Variants in ZNF677 observed in about 807,000 individuals in gnomAD.
ZNF677 encodes the protein hypothetical protein MGC48625.
ZNF677 carries 5 observed loss-of-function variants against 8.1 expected under a neutral mutation model. The ratio of observed to expected loss-of-function variants is 0.62; its 90% confidence interval spans 0.32 to 1.29. The LOEUF is 1.29. ZNF677 is among the 50% of genes most tolerant of loss of function. The probability of loss-of-function intolerance (pLI) is 0.05; values close to 1 mark genes in which losing one functional copy is unlikely to be tolerated. For missense variants in ZNF677, 685 were observed against 685.9 expected, an observed-to-expected ratio of 1.00 and a Z score of 0.01; for synonymous variants, 221 against 225.6, an observed-to-expected ratio of 0.98 and a Z score of 0.18.
At chr19:53,251,457 C>T in intron 3 of ZNF677, 79 bp downstream of exon 3, 1 of 1,174,398 alleles carries the variant, frequency 8.5e-7, no homozygotes, top group South Asian at 1.2e-5. Context: ...ACTTCAGAGT[C>T]AGATAAAATT....
At chr19:53,247,824 T>A (rs555680738) in intron 3 of ZNF677, among the ~76,000 whole-genome samples, 11 of 152,366 alleles carry the variant, frequency 7.2e-5, no homozygotes, top group African/African-American at 2.6e-4. Context: ...AATACCTTTT[T>A]ACATCCTTTT....
At chr19:53,253,711 G>T (rs1314815261) in intron 1 of ZNF677, among the ~76,000 whole-genome samples, 1 of 145,570 alleles carries the variant, frequency 6.9e-6, no homozygotes, top group Non-Finnish European at 1.5e-5. Flanking sequence ...ATAAATAAAA[G>T]AAAGCAAAAG....
intron 3 of ZNF677, among the ~76,000 whole-genome samples, chr19:53,251,267 A>C (rs1369602821): frequency 6.6e-6 from 1 of 152,166 alleles, no homozygotes; most frequent in Admixed American, 6.5e-5. Context: ...AACCTCACTG[A>C]CACCATGGAG....
Position 53,238,359 on chromosome 19 carries a change from G to A in ZNF677, c.368C>T (p.Thr123Ile), listed in dbSNP as rs2090998977. 1.9e-6 allele frequency: 3 copies of A among 1,613,530 alleles called. No homozygotes were observed. The highest frequency in any genetic ancestry group is 2.5e-6 in the Non-Finnish European group (3 of 1,179,794). The change falls in exon 5 of 5, where the codon ACC becomes ATC. Residue 123 changes from threonine (T) to isoleucine (I), a missense_variant. Transcript: ENST00000598513. ...DVKNYKGMPLTCNKNLTHRKD... is the reference protein window; with the variant it reads ...DVKNYKGMPLICNKNLTHRKD... The stretch of plus-strand genomic sequence containing the variant: ...TCTGTGAGTGAGATTTTTGTTACAG[G>A]TCAAAGGCATTCCTTTGTAATTTTT...
intron 3 of ZNF677, among the ~76,000 whole-genome samples, chr19:53,249,939 C>G (rs2091207469): frequency 6.6e-6 from 1 of 152,122 alleles, no homozygotes; most frequent in Non-Finnish European, 1.5e-5. Flanking sequence ...ACGGCACAAT[C>G]TTAGTTCACT....
Position 53,241,728 on chromosome 19 carries a change from C to T in ZNF677, c.169+2016G>A, listed in dbSNP as rs2091052414. Reference sequence around the variant, plus strand: ...TCAGCATACTGGGACATGCAGGCTACTCTACTCAGTGGCTTCAAGAGGCAC... The same window carrying T: ...TCAGCATACTGGGACATGCAGGCTATTCTACTCAGTGGCTTCAAGAGGCAC... On this transcript the variant is annotated intron_variant, in intron 4 of 4. Coordinates refer to ENST00000598513, the MANE Select transcript of ZNF677 (RefSeq NM_182609.4). 11 of 396,446 alleles carry T rather than the reference C, an allele frequency of 2.8e-5. No individual in the cohort carries two copies. In the Admixed American group the frequency reaches 4.9e-4, roughly 17 times the overall value. The allele number at this position is 396,446 out of a possible 1,614,324, so 24.6% of individuals were successfully genotyped here.
At chr19:53,239,388 T>C (rs754096445) in intron 4 of ZNF677, 11 of 152,140 alleles carry the variant, frequency 7.2e-5, no homozygotes, top group Non-Finnish European at 1.6e-4. Context: ...TTTTGAAATA[T>C]CAGCTTCAGG....
intron 3 of ZNF677, 133 bp from the exon 4 acceptor site, chr19:53,244,030 A>ATT (rs949218844): frequency 1.2e-6 from 1 of 808,492 alleles, no homozygotes; most frequent in Non-Finnish European, 1.9e-6. Flanking sequence ...CCCTAATTTT[A>ATT]TTTTTTTTAA....
At chr19:53,248,222 C>T (rs116943561) in intron 3 of ZNF677, among the ~76,000 whole-genome samples, 3,995 of 152,266 alleles carry the variant, frequency 0.026, 71 homozygotes, top group Middle Eastern at 0.044. Flanking sequence ...TGCATAACAA[C>T]TTCTGTTTCT....
chr19:53,251,711 C>A, intron 2 of ZNF677, 106 bp from the exon 3 acceptor site: 1 of 710,202 alleles, frequency 1.4e-6, no homozygotes, highest in Non-Finnish European at 2.3e-6. Context: ...TGGTCCTTAG[C>A]TTCCAATTGC....
Position 53,250,203 on chromosome 19 carries a change from T to A in ZNF677, c.15+1333A>T, listed in dbSNP as rs534520018. Among the ~76,000 whole-genome samples, 3 of 152,186 alleles carry A rather than the reference T, an allele frequency of 2.0e-5. No individual in the cohort carries two copies. The East Asian group carries it at 5.8e-4, about 29-fold the overall frequency. On this transcript the variant is annotated intron_variant, in intron 3 of 4. Coordinates refer to ENST00000598513, the MANE Select transcript of ZNF677 (RefSeq NM_182609.4). Reference sequence around the variant, plus strand: ...AGCTATTATTAAAAAGTCAAAAAAATAACAGATGCTGGTGAGGTTGTGGAG... The same window carrying A: ...AGCTATTATTAAAAAGTCAAAAAAAAAACAGATGCTGGTGAGGTTGTGGAG...
At chr19:53,243,694 C>T in intron 4 of ZNF677, 50 bp downstream of exon 4, 1 of 1,612,454 alleles carries the variant, frequency 6.2e-7, no homozygotes, top group Non-Finnish European at 8.5e-7. Context: ...ACATCAGGGC[C>T]TCCCAAGAGA....
At chr19:53,238,584 C>G (rs1314482133) in intron 4 of ZNF677, 27 bp from the exon 5 acceptor site, 2 of 1,512,968 alleles carry the variant, frequency 1.3e-6, no homozygotes, top group South Asian at 1.3e-5. Flanking sequence ...AAACCACAGG[C>G]TTTCCATCAA....
chr19:53,237,232 G>T lies in ZNF677; in HGVS notation c.1495C>A (p.Arg499Ser). 6.2e-7 allele frequency: 1 copy of T among 1,612,532 alleles called. No homozygotes were observed. The highest frequency in any genetic ancestry group is 8.5e-7 in the Non-Finnish European group (1 of 1,178,962). The part of the protein sequence containing the change: ...CTECGKAFTE[R>S]SNLTQHKKIH... Reference sequence around the variant, plus strand: ...TTCTTATGCTGAGTAAGATTTGAACGTTCAGTAAAGGCTTTGCCACATTCA... The same window carrying T: ...TTCTTATGCTGAGTAAGATTTGAACTTTCAGTAAAGGCTTTGCCACATTCA... The change falls in exon 5 of 5, where the codon CGT (arginine) becomes AGT (serine). Residue 499 changes from arginine (R) to serine (S), a missense_variant. Transcript: ENST00000598513.
At chr19:53,247,387 T>TAAA (rs35180499) in intron 3 of ZNF677, among the ~76,000 whole-genome samples, 13 of 148,086 alleles carry the variant, frequency 8.8e-5, no homozygotes, top group Admixed American at 2.0e-4. Context: ...CTGATGACCT[T>TAAA]AAAAAAAAAA....
At chr19:53,241,572 A>G in intron 4 of ZNF677, 1 of 349,200 alleles carries the variant, frequency 2.9e-6, no homozygotes, top group Non-Finnish European at 5.1e-6. Flanking sequence ...TACACCTTGT[A>G]CTGCTGGCTC....
In ZNF677 at chr19:53,242,208, A is replaced by G. The variant is rs547080554; in HGVS notation, c.169+1536T>C. 9 of 397,906 alleles carry G rather than the reference A, an allele frequency of 2.3e-5. No homozygotes were observed. In the Admixed American group the frequency reaches 3.5e-4, roughly 16 times the overall value. The allele number at this position is 397,906 out of a possible 1,614,324, so 24.6% of individuals were successfully genotyped here. On this transcript the variant is annotated intron_variant, in intron 4 of 4. Coordinates refer to ENST00000598513, the MANE Select transcript of ZNF677 (RefSeq NM_182609.4). ...CGGCCTCCCAAAGTGCTGGGATTAT[A>G]GGCGTGAGGCACCACGCCCATCCGG...
intron 4 of ZNF677, 200 bp downstream of exon 4, chr19:53,243,544 A>T: frequency 1.6e-6 from 1 of 644,170 alleles, no homozygotes; most frequent in Non-Finnish European, 2.6e-6. Flanking sequence ...TGGAACCACC[A>T]CTCGTCAAAC....
chr19:53,237,817 A>C lies in ZNF677; in HGVS notation c.910T>G (p.Ser304Ala). The C allele has an allele frequency of 6.2e-7, 1 of 1,613,040 alleles. No homozygotes were observed. The highest frequency in any genetic ancestry group is 8.5e-7 in the Non-Finnish European group (1 of 1,179,452). Reference protein sequence around the residue: ...NECGKAFNQCSNLTRHQRVHT... With the variant: ...NECGKAFNQCANLTRHQRVHT... ...ACTCTCTGATGCCTAGTGAGGTTCG[A>C]ACACTGGTTAAAGGCTTTGCCACAC... Residue 304 changes from serine (S) to alanine (A), a missense_variant, in exon 5 of 5, where the codon TCG (serine) becomes GCG (alanine). By Grantham distance (99) the Ser-to-Ala change is moderately conservative. Transcript: ENST00000598513.
Sources: gnomAD v4.1 joint callset for allele counts (sites outside exome capture counted in the v4.1 genomes callset) on GRCh38, gnomAD v4.1.1 for gene constraint, MANE v1.5 for transcripts, NCBI Gene and HGNC (gene_info 2026-07-23, HGNC 2026-07-21) for gene names.